Variants in NIPAL2 observed in about 807,000 individuals in gnomAD.
NIPAL2 encodes NIPA-like protein 2.
Under a neutral mutation model 48.9 loss-of-function variants are expected in NIPAL2, and 43 were observed. That is an observed-to-expected ratio of 0.88 (90% CI 0.69 to 1.13). The LOEUF (loss-of-function observed/expected upper bound fraction) is 1.13. Ranked by LOEUF, NIPAL2 falls within the 50% of genes most tolerant of loss-of-function variation. The pLI is 0.00. For synonymous variants in NIPAL2, 167 were observed against 174.6 expected, an observed-to-expected ratio of 0.96 and a Z score of 0.34; for missense variants, 446 against 461.4, an observed-to-expected ratio of 0.97 and a Z score of 0.31.
At chr8:98,271,638 A>G (rs938863680) in intron 1 of NIPAL2, among the ~76,000 whole-genome samples, 2 of 152,182 alleles carry the variant, frequency 1.3e-5, no homozygotes, top group Non-Finnish European at 2.9e-5. Flanking sequence ...ATCGTCAGTG[A>G]AGAGAGATAA....
chr8:98,262,470 G>A (rs1463222176), intron 1 of NIPAL2, among the ~76,000 whole-genome samples: 1 of 151,594 alleles, frequency 6.6e-6, no homozygotes, highest in African/African-American at 2.4e-5. Flanking sequence ...AAAGGCAGGG[G>A]GTGCAATCCT....
chr8:98,251,653 G>A (rs1813597744), intron 3 of NIPAL2: 1 of 152,134 alleles, frequency 6.6e-6, no homozygotes, highest in African/African-American at 2.4e-5. Context: ...TTTAAATGAT[G>A]TTTTCTTTAA....
At chr8:98,193,297 G>A in intron 10 of NIPAL2, 1 of 1,449,426 alleles carries the variant, frequency 6.9e-7, no homozygotes, top group African/African-American at 1.4e-5. Context: ...CTGTGTCAGA[G>A]CCACTATCCC....
At chr8:98,277,052 GAGCC>G (rs1157899659) in intron 1 of NIPAL2, among the ~76,000 whole-genome samples, 2 of 84,726 alleles carry the variant, frequency 2.4e-5, no homozygotes, top group East Asian at 5.3e-4. Context: ...TTACAGGCGT[GAGCC>G]AGTATACCCA....
At chr8:98,274,555 C>T (rs1451829472) in intron 1 of NIPAL2, among the ~76,000 whole-genome samples, 3 of 151,904 alleles carry the variant, frequency 2.0e-5, no homozygotes, top group African/African-American at 7.2e-5. Flanking sequence ...ACTCTTTAAT[C>T]TCAATAATGT....
chr8:98,193,010 T>C lies in NIPAL2; in HGVS notation c.1120A>G (p.Lys374Glu). The change falls in exon 11 of 11, where the codon AAG becomes GAG. Residue 374 changes from lysine (K) to glutamate (E), a missense_variant. Coordinates refer to ENST00000430223, the MANE Select transcript of NIPAL2 (RefSeq NM_001321635.2). ...TCTTTCTTCTCTCCACTTTGGCTCT[T>C]TGTTGAGTCACTTCCATCAGGCAAA... ...GTLPDGSDST[K>E]SQSGEKKEV The C allele has an allele frequency of 6.2e-7, 1 of 1,613,872 alleles. No individual in the cohort carries two copies. Among genetic ancestry groups the C allele is most frequent in the Non-Finnish European group, 8.5e-7 (1 of 1,179,786 alleles).
At chr8:98,214,875 C>T (rs1041095636) in intron 5 of NIPAL2, among the ~76,000 whole-genome samples, 2 of 152,166 alleles carry the variant, frequency 1.3e-5, no homozygotes, top group Non-Finnish European at 2.9e-5. Context: ...AGTAGTGCTA[C>T]AAAAGCTATT....
At position 98,201,369 on chromosome 8, in the gene NIPAL2, C is replaced by A. The variant is rs867696253; in HGVS notation, c.880+1739G>T. 2.6e-5 allele frequency among the ~76,000 whole-genome samples: 4 copies of A among 152,056 alleles called. No individual in the cohort carries two copies. In the South Asian group the frequency reaches 6.2e-4, roughly 24 times the overall value. On this transcript the variant is annotated intron_variant, in intron 8 of 10. Transcript: ENST00000430223. ...AGCCCTGTTGGTCCTCCTAGAAAAT[C>A]TTTATTTATTTATTTTTAACTTTTA...
Position 98,222,530 on chromosome 8 carries a change from T to C in NIPAL2, c.507A>G (p.Ser169=), listed in dbSNP as rs878882581. The part of the protein sequence containing the change: ...NFAPNITQAI[S]ARTVQYYLVG... ...CAAGGTAATACTGTACTGTTCTTGC[T>C]GAGATTGCCTGAGTTATATTTGGAG... Residue 169 remains serine (S), a synonymous_variant, in exon 5 of 11, where the codon TCA becomes TCG. Transcript: ENST00000430223. 1.2e-5 allele frequency: 20 copies of C among 1,613,224 alleles called. No homozygotes were observed. The South Asian group carries it at 1.9e-4, about 15-fold the overall frequency.
intron 1 of NIPAL2, among the ~76,000 whole-genome samples, chr8:98,263,527 A>G (rs1403060484): frequency 6.6e-6 from 1 of 151,008 alleles, no homozygotes; most frequent in Non-Finnish European, 1.5e-5. Flanking sequence ...TAGAAAATCT[A>G]GAAGAAATTG....
In NIPAL2 at chr8:98,203,831, C is replaced by T. The variant is rs533200143; in HGVS notation, c.792-635G>A. ...TACTCTAGAGAAATTGAAAAAAGTACTTTGTGGGTAGAGCCTGTGTGTGTG... is the reference window on the plus strand; with the variant it reads ...TACTCTAGAGAAATTGAAAAAAGTATTTTGTGGGTAGAGCCTGTGTGTGTG... On this transcript the variant is annotated intron_variant, in intron 7 of 10. Transcript: ENST00000430223. 1.5e-3 allele frequency among the ~76,000 whole-genome samples: 222 copies of T among 144,024 alleles called. 1 individual carries two copies. In the South Asian group the frequency reaches 0.02, roughly 13 times the overall value. The allele number at this position is 144,024 out of a possible 152,430, so 94.5% of individuals were successfully genotyped here. A position where few individuals can be genotyped will look rare whatever the true frequency, so the allele number is the denominator to read the frequency against.
At chr8:98,285,369 T>C (rs974266424) in intron 1 of NIPAL2, among the ~76,000 whole-genome samples, 1 of 152,192 alleles carries the variant, frequency 6.6e-6, no homozygotes, top group South Asian at 2.1e-4. Context: ...CCCATGTGCT[T>C]TGGGAACACT....
intron 1 of NIPAL2, among the ~76,000 whole-genome samples, chr8:98,286,868 G>A (rs1279111913): frequency 2.6e-5 from 4 of 151,046 alleles, no homozygotes; most frequent in Admixed American, 1.3e-4. Context: ...GACTGACCAA[G>A]GGCTGGGAAA....
intron 3 of NIPAL2, among the ~76,000 whole-genome samples, chr8:98,241,450 T>C (rs1476863737): frequency 6.6e-6 from 1 of 152,192 alleles, no homozygotes; most frequent in Non-Finnish European, 1.5e-5. Flanking sequence ...GATAGAAACT[T>C]TCTGATGAGT....
chr8:98,205,892 G>A (rs1447475471), intron 6 of NIPAL2, among the ~76,000 whole-genome samples: 1 of 152,102 alleles, frequency 6.6e-6, no homozygotes, highest in African/African-American at 2.4e-5. Flanking sequence ...CATTTCTCAG[G>A]GTGGACCATC....
intron 1 of NIPAL2, among the ~76,000 whole-genome samples, chr8:98,258,789 T>G (rs957859559): frequency 2.1e-5 from 3 of 142,918 alleles, no homozygotes; most frequent in African/African-American, 5.2e-5. Flanking sequence ...CTTTTTTTTT[T>G]GTCTATAAAT....
chr8:98,209,980 C>G (rs1811231061), intron 6 of NIPAL2, among the ~76,000 whole-genome samples: 1 of 151,938 alleles, frequency 6.6e-6, no homozygotes. Flanking sequence ...GCAATTCATT[C>G]AAATTTATAT....
chr8:98,259,169 C>T (rs924823045), intron 1 of NIPAL2, among the ~76,000 whole-genome samples: 26 of 145,876 alleles, frequency 1.8e-4, no homozygotes, highest in African/African-American at 3.6e-4. Flanking sequence ...CTCCGCCTCC[C>T]GGGTTCACGC....
intron 10 of NIPAL2, chr8:98,193,326 T>C (rs1482904609): frequency 1.3e-6 from 2 of 1,586,820 alleles, no homozygotes; most frequent in Non-Finnish European, 1.7e-6. Context: ...AGGATCTACA[T>C]GCTGGCCATG....
Sources: gnomAD v4.1 joint callset for allele counts (sites outside exome capture counted in the v4.1 genomes callset) on GRCh38, gnomAD v4.1.1 for gene constraint, MANE v1.5 for transcripts, NCBI Gene and HGNC (gene_info 2026-07-23, HGNC 2026-07-21) for gene names.